The following TRPM3 variants were observed in gnomAD, a reference collection of about 807,000 sequenced individuals.
The protein encoded by TRPM3 is long transient receptor potential channel 3.
TRPM3 carries 77 observed loss-of-function variants against 181.2 expected under a neutral mutation model. The ratio of observed to expected loss-of-function variants is 0.42; its 90% CI spans 0.35 to 0.51. The LOEUF (loss-of-function observed/expected upper bound fraction) is 0.51. Among genes scored for constraint, TRPM3 ranks in the 20% least tolerant of loss-of-function variants. TRPM3 has a pLI of 0.01. For missense variants in TRPM3, 1,759 were observed against 2,196.7 expected, an observed-to-expected ratio of 0.80 and a Z score of 3.98; for synonymous variants, 745 against 796.4, an observed-to-expected ratio of 0.94 and a Z score of 1.09.
chr9:71,315,728 T>A (rs2088520583), intron 1 of TRPM3, among the ~76,000 whole-genome samples: 1 of 152,202 alleles, frequency 6.6e-6, no homozygotes, highest in Non-Finnish European at 1.5e-5. Flanking sequence ...AGCAATGTTT[T>A]AAAAAGATTT....
intron 19 of TRPM3, among the ~76,000 whole-genome samples, chr9:70,609,135 T>C (rs2061644841): frequency 6.6e-6 from 1 of 152,212 alleles, no homozygotes; most frequent in South Asian, 2.1e-4. Flanking sequence ...TCGGAACTAC[T>C]ATTATTGGCA....
chr9:70,794,700 C>T (rs968045812), intron 6 of TRPM3, among the ~76,000 whole-genome samples: 6 of 152,232 alleles, frequency 3.9e-5, no homozygotes, highest in Non-Finnish European at 2.9e-5. Context: ...CTCCCGTCGA[C>T]TCCCACTTTC....
chr9:70,748,945 T>G (rs980399989), intron 8 of TRPM3, among the ~76,000 whole-genome samples: 3 of 152,120 alleles, frequency 2.0e-5, no homozygotes, highest in Non-Finnish European at 2.9e-5. Context: ...AGTGCAGTGG[T>G]GTGATCTCAG....
intron 1 of TRPM3, among the ~76,000 whole-genome samples, chr9:71,179,133 T>G (rs1454366029): frequency 2.0e-5 from 3 of 152,120 alleles, no homozygotes; most frequent in Non-Finnish European, 4.4e-5. Context: ...TTCAAGGAAT[T>G]AACAGCCCAG....
intron 1 of TRPM3, among the ~76,000 whole-genome samples, chr9:71,103,700 T>C (rs1429166171): frequency 2.6e-5 from 4 of 152,160 alleles, no homozygotes; most frequent in African/African-American, 4.8e-5. Context: ...TTTCTTCCTA[T>C]AACTCCACAG....
intron 19 of TRPM3, among the ~76,000 whole-genome samples, chr9:70,606,339 C>CTT (rs2061102898): frequency 6.6e-6 from 1 of 152,160 alleles, no homozygotes; most frequent in African/African-American, 2.4e-5. Flanking sequence ...TCACACCTCT[C>CTT]TTCTTTTTTT....
intron 1 of TRPM3, among the ~76,000 whole-genome samples, chr9:71,026,125 T>C (rs1259401215): frequency 6.6e-6 from 1 of 152,170 alleles, no homozygotes; most frequent in East Asian, 1.9e-4. Flanking sequence ...AGGTTTGGTG[T>C]GGGAGTATCT....
At chr9:71,420,643 GAGAAAGAGAAAGAA>G (rs1237891073) in intron 1 of TRPM3, among the ~76,000 whole-genome samples, 1 of 125,172 alleles carries the variant, frequency 8.0e-6, no homozygotes, top group Non-Finnish European at 1.8e-5. Context: ...GAAAAAGAGA[GAGAAAGAGAAAGAA>G]AAAGAGAAAG....
chr9:71,035,822 A>T (rs551645707), intron 1 of TRPM3, among the ~76,000 whole-genome samples: 8 of 152,268 alleles, frequency 5.3e-5, no homozygotes, highest in African/African-American at 1.4e-4. Context: ...AAAATTTCAC[A>T]GTTACTACCC....
chr9:71,356,848 C>A (rs1479448906), intron 1 of TRPM3, among the ~76,000 whole-genome samples: 2 of 152,058 alleles, frequency 1.3e-5, no homozygotes. Flanking sequence ...GGGACCATGA[C>A]ATAATAATAT....
At chr9:70,956,212 G>A (rs1056412635) in intron 1 of TRPM3, among the ~76,000 whole-genome samples, 3 of 151,218 alleles carry the variant, frequency 2.0e-5, no homozygotes, top group African/African-American at 7.3e-5. Context: ...AATAAATGGA[G>A]AGCTTGGACA....
intron 1 of TRPM3, among the ~76,000 whole-genome samples, chr9:71,212,305 C>T (rs1400000770): frequency 6.6e-6 from 1 of 152,022 alleles, no homozygotes; most frequent in African/African-American, 2.4e-5. Flanking sequence ...TGTAGAGACT[C>T]ACTATGTTGT....
intron 1 of TRPM3, among the ~76,000 whole-genome samples, chr9:71,248,266 A>T (rs936350633): frequency 6.6e-6 from 1 of 152,222 alleles, no homozygotes; most frequent in Non-Finnish European, 1.5e-5. Context: ...TTCACTATGG[A>T]TTGGTTTAGA....
intron 1 of TRPM3, among the ~76,000 whole-genome samples, chr9:70,980,067 G>GCGTGCACACACACACACACA (rs142852346): frequency 1.7e-4 from 24 of 137,888 alleles, no homozygotes; most frequent in Non-Finnish European, 3.0e-4. Context: ...GCATGTGCGT[G>GCGTGCACACACACACACACA]CACACACACA....
At chr9:70,648,492 C>G (rs2059189330) in intron 9 of TRPM3, among the ~76,000 whole-genome samples, 1 of 152,012 alleles carries the variant, frequency 6.6e-6, no homozygotes, top group Non-Finnish European at 1.5e-5. Flanking sequence ...AAAACCTATT[C>G]TAAATTTAAT....
intron 1 of TRPM3, among the ~76,000 whole-genome samples, chr9:71,394,451 A>C (rs1482576603): frequency 6.6e-6 from 1 of 152,176 alleles, no homozygotes; most frequent in Non-Finnish European, 1.5e-5. Flanking sequence ...TACTATTATA[A>C]TTACACATAA....
intron 9 of TRPM3, among the ~76,000 whole-genome samples, chr9:70,654,681 CTG>C (rs1298356284): frequency 1.5e-5 from 2 of 137,030 alleles, no homozygotes; most frequent in Admixed American, 7.2e-5. Context: ...TTTAAGCACT[CTG>C]TAGTTTTTTT....
intron 1 of TRPM3, among the ~76,000 whole-genome samples, chr9:71,359,489 C>A (rs116370014): frequency 2.3e-3 from 355 of 152,268 alleles, no homozygotes; most frequent in African/African-American, 8.1e-3. Context: ...TAAACCCATA[C>A]CTAAGACCTC....
At chr9:71,261,008 T>A (rs529932536) in intron 1 of TRPM3, among the ~76,000 whole-genome samples, 180 of 152,318 alleles carry the variant, frequency 1.2e-3, no homozygotes, top group Non-Finnish European at 2.1e-3. Flanking sequence ...GAGGAGTATC[T>A]TTGTGGTGTT....
Sources: allele counts gnomAD v4.1 joint callset (sites outside exome capture counted in the v4.1 genomes callset), GRCh38; gene constraint gnomAD v4.1.1; transcripts MANE v1.5; gene names NCBI Gene and HGNC (gene_info 2026-07-23, HGNC 2026-07-21).